Variants in SIN3A observed in about 807,000 individuals in gnomAD.
SIN3A encodes the protein SIN3 transcription regulator family member A, also known as paired amphipathic helix protein Sin3a.
SIN3A carries 14 observed loss-of-function variants against 146.1 expected under a neutral mutation model. That is an observed-to-expected ratio of 0.10 (90% confidence interval 0.06 to 0.15). The LOEUF is 0.15. Ranked by LOEUF, SIN3A falls within the 10% of genes least tolerant of loss-of-function variation. SIN3A has a pLI of 1.00. For synonymous variants in SIN3A, 572 were observed against 572.0 expected (o/e 1.00, Z 0.00); for missense variants, 1,028 against 1,576.0 (o/e 0.65, Z 5.89).
chr15:75,412,190 A>G (rs905813009), intron 5 of SIN3A, among the ~76,000 whole-genome samples: 1 of 152,222 alleles, frequency 6.6e-6, no homozygotes, highest in East Asian at 1.9e-4. Flanking sequence ...ACTGTCTTAT[A>G]CATAGCCACC....
chr15:75,433,614 T>C (rs2074052592), intron 1 of SIN3A, among the ~76,000 whole-genome samples: 1 of 151,710 alleles, frequency 6.6e-6, no homozygotes, highest in African/African-American at 2.4e-5. Context: ...ATCGAGACCA[T>C]CCTGGCTAAC....
intron 3 of SIN3A, chr15:75,415,926 C>A: frequency 3.3e-6 from 1 of 303,926 alleles, no homozygotes; most frequent in Non-Finnish European, 6.3e-6. Flanking sequence ...AAGGAAAATG[C>A]TGACACTGGC....
chr15:75,385,701 T>C (rs2073063492), intron 16 of SIN3A, among the ~76,000 whole-genome samples: 1 of 152,252 alleles, frequency 6.6e-6, no homozygotes, highest in African/African-American at 2.4e-5. Flanking sequence ...AGACACATTC[T>C]TTTTAAGTGT....
chr15:75,436,077 T>C (rs948902508), intron 1 of SIN3A, among the ~76,000 whole-genome samples: 1 of 150,952 alleles, frequency 6.6e-6, no homozygotes, highest in African/African-American at 2.4e-5. Context: ...AAGGTTGTAG[T>C]GAGCAGTGAT....
intron 16 of SIN3A, among the ~76,000 whole-genome samples, chr15:75,386,485 T>C (rs938389413): frequency 1.3e-5 from 2 of 152,324 alleles, no homozygotes; most frequent in East Asian, 1.9e-4. Context: ...TCAGATTCTC[T>C]ATCTTGCTAA....
intron 20 of SIN3A, among the ~76,000 whole-genome samples, chr15:75,373,724 A>G (rs2072799809): frequency 6.6e-6 from 1 of 151,648 alleles, no homozygotes. Flanking sequence ...AGCCCTGGGC[A>G]ACGTAAGGAG....
Position 75,401,984 on chromosome 15 carries a change from C to T in SIN3A, c.1408-14G>A, listed in dbSNP as rs773717328. On this transcript the variant is annotated splice_polypyrimidine_tract_variant and intron_variant, in intron 9 of 20. Coordinates refer to ENST00000394947, the MANE Select transcript of SIN3A (RefSeq NM_001145358.2). ...AGCCTTTCGGACCTTATGGAGACAA[C>T]GGGAAGAAAAACAGTTTTTGTTTTT... The T allele has an allele frequency of 3.5e-5, 53 of 1,529,864 alleles. No individual in the cohort carries two copies. The highest frequency in any genetic ancestry group is 4.2e-5 in the Non-Finnish European group (47 of 1,107,952). 94.8% of individuals were successfully genotyped at this position (1,529,864 alleles called of 1,614,324 possible).
At chr15:75,436,566 A>G (rs2074111439) in intron 1 of SIN3A, 1 of 152,236 alleles carries the variant, frequency 6.6e-6, no homozygotes, top group Admixed American at 6.5e-5. Context: ...AAAAAATCAG[A>G]TTCATTGATG....
At chr15:75,400,314 G>GA (rs1178534221) in intron 11 of SIN3A, among the ~76,000 whole-genome samples, 158 bp from the exon 12 acceptor site, 1 of 152,246 alleles carries the variant, frequency 6.6e-6, no homozygotes, top group Non-Finnish European at 1.5e-5. Context: ...CTATTAGTAA[G>GA]AAAAGGGTGC....
intron 10 of SIN3A, among the ~76,000 whole-genome samples, chr15:75,401,441 G>C (rs537519611): frequency 1.2e-4 from 19 of 152,170 alleles, no homozygotes; most frequent in Admixed American, 9.8e-4. Context: ...GGCCGAGGCA[G>C]GAGAATCACC....
At chr15:75,402,129 T>G (rs2073423419) in intron 9 of SIN3A, among the ~76,000 whole-genome samples, 159 bp from the exon 10 acceptor site, 1 of 152,048 alleles carries the variant, frequency 6.6e-6, no homozygotes, top group Admixed American at 6.6e-5. Flanking sequence ...ACTACAGGTG[T>G]GAGCCACCAT....
chr15:75,434,295 T>G, intron 1 of SIN3A, among the ~76,000 whole-genome samples: 1 of 152,174 alleles, frequency 6.6e-6, no homozygotes, highest in East Asian at 1.9e-4. Flanking sequence ...AGATATGAAG[T>G]TGGTAGATGA....
At chr15:75,395,883 TGAAA>T (rs2073292884) in intron 13 of SIN3A, among the ~76,000 whole-genome samples, 1 of 152,148 alleles carries the variant, frequency 6.6e-6, no homozygotes, top group Non-Finnish European at 1.5e-5. Flanking sequence ...CCAGCCTGGG[TGAAA>T]GAGTGAGATC....
At chr15:75,443,255 T>C (rs1418074779) in intron 1 of SIN3A, among the ~76,000 whole-genome samples, 3 of 152,260 alleles carry the variant, frequency 2.0e-5, no homozygotes, top group Admixed American at 6.5e-5. Context: ...TTTGCCATTA[T>C]AGGAGGAAGA....
chr15:75,414,339 T>A, intron 3 of SIN3A, 28 bp from the exon 4 acceptor site: 1 of 1,277,348 alleles, frequency 7.8e-7, no homozygotes, highest in Non-Finnish European at 1.1e-6. Flanking sequence ...ATCAAGGTTA[T>A]AAAAAGAAAG....
In SIN3A at chr15:75,410,252, T is replaced by A. The variant is rs773347365; in HGVS notation, c.1043A>T (p.Asn348Ile). The A allele has an allele frequency of 1.2e-6, 2 of 1,613,694 alleles. No individual in the cohort carries two copies. Among genetic ancestry groups the A allele is most frequent in the African/African-American group, 1.3e-5 (1 of 74,996 alleles). ...CTGCTCTGTCAATGCTGGAGTGTAGTTTCCTCCAGCTTCCTTGGCATTTCT... is the reference window on the plus strand; with the variant it reads ...CTGCTCTGTCAATGCTGGAGTGTAGATTCCTCCAGCTTCCTTGGCATTTCT... ...EQRNAKEAGG[N>I]YTPALTEQEV... Residue 348 changes from asparagine (N) to isoleucine (I), a missense_variant, in exon 7 of 21, where the codon AAC becomes ATC. By Grantham distance (149) the Asn-to-Ile change is moderately radical. Transcript: ENST00000394947.
chr15:75,390,186 CA>C (rs1206254395), intron 15 of SIN3A, among the ~76,000 whole-genome samples: 4 of 152,158 alleles, frequency 2.6e-5, no homozygotes, highest in Non-Finnish European at 5.9e-5. Context: ...TCCCAGCCTG[CA>C]CAAGAGCATT....
intron 15 of SIN3A, among the ~76,000 whole-genome samples, chr15:75,390,612 T>C (rs1051726739): frequency 1.3e-5 from 2 of 152,120 alleles, no homozygotes; most frequent in African/African-American, 4.8e-5. Context: ...ATCAACAAAG[T>C]GGAAAAAGGA....
At chr15:75,432,143 A>G (rs1226632579) in intron 1 of SIN3A, among the ~76,000 whole-genome samples, 1 of 152,208 alleles carries the variant, frequency 6.6e-6, no homozygotes, top group Non-Finnish European at 1.5e-5. Flanking sequence ...AGTATTCAAA[A>G]ACCTTTTAGA....
Sources: gnomAD v4.1 joint callset for allele counts (sites outside exome capture counted in the v4.1 genomes callset) on GRCh38, gnomAD v4.1.1 for gene constraint, MANE v1.5 for transcripts, NCBI Gene and HGNC (gene_info 2026-07-23, HGNC 2026-07-21) for gene names.